ZNF717: variants seen among roughly 807,000 people sequenced by gnomAD.
ZNF717 encodes krueppel-like factor X17.
ZNF717 carries 9 observed loss-of-function variants against 13.8 expected under a neutral mutation model. The ratio of observed to expected loss-of-function variants is 0.65; its 90% confidence interval spans 0.39 to 1.14. ZNF717 has a LOEUF of 1.14. Ranked by LOEUF, ZNF717 falls within the 50% of genes most tolerant of loss-of-function variation. The pLI is 0.01. For missense variants in ZNF717, 1,040 were observed against 1,080.7 expected (o/e 0.96, Z 0.53); for synonymous variants, 327 against 364.1 (o/e 0.90, Z 1.16).
exon 6 of ZNF717, chr3:75,730,035 A>T (rs75786608): frequency 7.8e-6 from 1 of 128,968 alleles, no homozygotes; most frequent in Non-Finnish European, 1.7e-5. Flanking sequence ...ATACACAGAT[A>T]TTAAACCTAC....
chr3:75,749,819 G>T (rs1575821417), intron 2 of ZNF717, among the ~76,000 whole-genome samples: 1 of 151,062 alleles, frequency 6.6e-6, no homozygotes, highest in Non-Finnish European at 1.5e-5. Context: ...TCCTGCTGTG[G>T]TCTGAATGTC....
At chr3:75,709,390 T>C (rs1357761517), downstream of ZNF717, among the ~76,000 whole-genome samples, 1 of 152,134 alleles carries the variant, frequency 6.6e-6, no homozygotes, top group Non-Finnish European at 1.5e-5. Flanking sequence ...ATGAAGGACC[T>C]GCACCCATGA....
chr3:75,729,615 C>CAAAAAAAAAAAAAAAAAAAA (rs369485280), downstream of ZNF717, among the ~76,000 whole-genome samples: 1 of 115,548 alleles, frequency 8.7e-6, no homozygotes, highest in Non-Finnish European at 1.7e-5. Context: ...AACTCCATAT[C>CAAAAAAAAAAAAAAAAAAAA]AAAAAAAAAA....
chr3:75,727,448 C>T (rs146144902), downstream of ZNF717, among the ~76,000 whole-genome samples: 165 of 134,806 alleles, frequency 1.2e-3, no homozygotes, highest in Middle Eastern at 4.2e-3. Flanking sequence ...AAGAGAATAT[C>T]ACTGAATTCT....
chr3:75,768,369 G>T (rs960892838), intron 2 of ZNF717, among the ~76,000 whole-genome samples: 1 of 119,188 alleles, frequency 8.4e-6, no homozygotes. Flanking sequence ...GTGGGGGGGG[G>T]GGGTAGATGA....
intron 2 of ZNF717, among the ~76,000 whole-genome samples, chr3:75,764,530 A>T (rs1943277113): frequency 6.6e-6 from 1 of 152,232 alleles, no homozygotes; most frequent in Non-Finnish European, 1.5e-5. Flanking sequence ...AACGAGAATG[A>T]ACTGTGAGAT....
At chr3:75,711,189 A>G (rs1937929688) in exon 6 of ZNF717, 2 of 152,358 alleles carry the variant, frequency 1.3e-5, no homozygotes, top group African/African-American at 4.8e-5. Context: ...ATACTCACAA[A>G]TGGTTTCCAA....
At chr3:75,770,676 TG>T (rs1943813970) in intron 2 of ZNF717, among the ~76,000 whole-genome samples, 1 of 152,244 alleles carries the variant, frequency 6.6e-6, no homozygotes, top group Admixed American at 6.5e-5. Context: ...TTTGGGTCAC[TG>T]GCTGCATGGT....
chr3:75,704,561 ATT>A (rs1937762671), intron 6 of ZNF717, among the ~76,000 whole-genome samples: 1 of 152,318 alleles, frequency 6.6e-6, no homozygotes, highest in African/African-American at 2.4e-5. Flanking sequence ...GGGGCATCAT[ATT>A]CAGATTAGAG....
At chr3:75,700,391 G>GAAAAAA (rs35600771) in intron 6 of ZNF717, among the ~76,000 whole-genome samples, 25 of 113,232 alleles carry the variant, frequency 2.2e-4, no homozygotes, top group African/African-American at 1.0e-3. Flanking sequence ...AGACACCATC[G>GAAAAAA]AAAAAAAAAA....
chr3:75,765,031 GTA>G (rs1164959906), intron 2 of ZNF717, among the ~76,000 whole-genome samples: 2,764 of 59,970 alleles, frequency 0.046, 31 homozygotes, highest in African/African-American at 0.086. Context: ...ATATATATAT[GTA>G]TATGTGTGTG....
intron 4 of ZNF717, among the ~76,000 whole-genome samples, chr3:75,720,439 T>C (rs1185960608): frequency 6.6e-6 from 1 of 152,074 alleles, no homozygotes; most frequent in Non-Finnish European, 1.5e-5. Context: ...AAGTCTTAGG[T>C]ACACACAGAC....
intron 2 of ZNF717, among the ~76,000 whole-genome samples, chr3:75,742,559 C>CA (rs36092497): frequency 0.85 from 127,208 of 150,316 alleles, 52,925 homozygotes; most frequent in East Asian, 0.89. Context: ...CATGAATTCT[C>CA]TGACTATGAG....
At chr3:75,783,565 AT>A (rs1944964499) in intron 1 of ZNF717, among the ~76,000 whole-genome samples, 2 of 152,278 alleles carry the variant, frequency 1.3e-5, no homozygotes, top group African/African-American at 4.8e-5. Context: ...CTACAAGTAC[AT>A]TAATTGGTAG....
At chr3:75,745,846 T>C (rs967795989) in intron 2 of ZNF717, among the ~76,000 whole-genome samples, 6 of 151,548 alleles carry the variant, frequency 4.0e-5, no homozygotes, top group Admixed American at 2.6e-4. Flanking sequence ...TTTCTTTTTT[T>C]AATATATTTT....
downstream of ZNF717, among the ~76,000 whole-genome samples, chr3:75,708,997 TTTTTC>T (rs1462103309): frequency 8.3e-6 from 1 of 120,980 alleles, no homozygotes; most frequent in Non-Finnish European, 1.7e-5. Flanking sequence ...CTTTTTTTTC[TTTTTC>T]TTTTCTTTTT....
intron 6 of ZNF717, among the ~76,000 whole-genome samples, chr3:75,699,695 A>G (rs2106806653): frequency 6.6e-6 from 1 of 152,310 alleles, no homozygotes; most frequent in African/African-American, 2.4e-5. Context: ...AATTAAACCT[A>G]TTTTCTTTAT....
At chr3:75,768,596 G>T (rs1040179454) in intron 2 of ZNF717, among the ~76,000 whole-genome samples, 1 of 145,454 alleles carries the variant, frequency 6.9e-6, no homozygotes, top group African/African-American at 2.6e-5. Flanking sequence ...CTGCGGCTGA[G>T]TGTGGGAGGG....
In ZNF717 at chr3:75,756,566, A is replaced by C. The variant is rs190089433; in HGVS notation, c.58-14830T>G. Among the ~76,000 whole-genome samples the C allele has an allele frequency of 1.8e-3, 267 of 152,400 alleles. 1 individual carries two copies. Among genetic ancestry groups the C allele is most frequent in the Admixed American group, 0.017 (260 of 15,312 alleles). ...TACTACTCCAGTGAACACATGAATG[A>C]TAAAAAGCTAAACAATGTTGCTGCT... On this transcript the variant is annotated intron_variant, in intron 2 of 4. Transcript: ENST00000652011.
Sources: gnomAD v4.1 joint callset for allele counts (sites outside exome capture counted in the v4.1 genomes callset) on GRCh38, gnomAD v4.1.1 for gene constraint, MANE v1.5 for transcripts, NCBI Gene and HGNC (gene_info 2026-07-23, HGNC 2026-07-21) for gene names.